CSRP3: variants seen among roughly 807,000 people sequenced by gnomAD.
CSRP3 encodes the protein cysteine and glycine-rich protein 3.
Under a neutral mutation model 24.3 loss-of-function variants are expected in CSRP3, and 24 were observed. The ratio of observed to expected loss-of-function variants is 0.99; its 90% CI spans 0.71 to 1.39. The LOEUF (loss-of-function observed/expected upper bound fraction) is 1.39. Among genes scored for constraint, CSRP3 ranks in the 40% most tolerant of loss-of-function variants. The pLI is 0.00. For missense variants in CSRP3, 240 were observed against 249.0 expected (o/e 0.96, Z 0.24); for synonymous variants, 105 against 94.0 (o/e 1.12, Z -0.68).
chr11:19,197,649 C>G (rs998341693), intron 1 of CSRP3, among the ~76,000 whole-genome samples: 1 of 149,504 alleles, frequency 6.7e-6, no homozygotes, highest in African/African-American at 2.5e-5. Context: ...AAATGAGCAC[C>G]CAGGAGGGAA....
At chr11:19,192,597 T>A in intron 1 of CSRP3, 121 bp from the exon 2 acceptor site, 1 of 702,150 alleles carries the variant, frequency 1.4e-6, no homozygotes, top group African/African-American at 1.8e-5. Flanking sequence ...TTTCATTTAT[T>A]CATTCATTTA....
rs773744247 is a variant in CSRP3 at position 19,188,109 on chromosome 11, G to A, written c.281+27C>T. 5.0e-6 allele frequency: 8 copies of A among 1,613,884 alleles called. No individual in the cohort carries two copies. The African/African-American group carries it at 9.3e-5, about 19-fold the overall frequency. ...TCCTGATAATTGGAGACTTTAACAG[G>A]CAAGGGGGAGCAGGGCAGTAACTCA... On this transcript the variant is annotated intron_variant, in intron 3 of 5. Coordinates refer to ENST00000265968, the MANE Select transcript of CSRP3 (RefSeq NM_003476.5).
At chr11:19,197,501 C>CTCTTTCGTTCTTTCTT (rs1491110501) in intron 1 of CSRP3, among the ~76,000 whole-genome samples, 23 of 67,070 alleles carry the variant, frequency 3.4e-4, no homozygotes, top group African/African-American at 9.9e-4. Context: ...CCCTCTTTTC[C>CTCTTTCGTTCTTTCTT]TCTTTCTTTC....
chr11:19,196,795 GAC>G (rs1366041654), intron 1 of CSRP3: 7 of 152,168 alleles, frequency 4.6e-5, no homozygotes, highest in African/African-American at 7.2e-5. Context: ...TGTTGTCAAA[GAC>G]AAATCGTGGG....
chr11:19,193,380 T>C (rs1205584842), intron 1 of CSRP3, among the ~76,000 whole-genome samples: 1 of 152,162 alleles, frequency 6.6e-6, no homozygotes, highest in Non-Finnish European at 1.5e-5. Flanking sequence ...CAGACCATGG[T>C]GCTGACATGT....
chr11:19,188,695 G>A (rs1590104752), intron 2 of CSRP3, among the ~76,000 whole-genome samples: 1 of 151,808 alleles, frequency 6.6e-6, no homozygotes, highest in East Asian at 1.9e-4. Context: ...AGGCAGGAGA[G>A]AAACTTACTT....
At chr11:19,192,584 G>C in intron 1 of CSRP3, 108 bp from the exon 2 acceptor site, 1 of 721,650 alleles carries the variant, frequency 1.4e-6, no homozygotes, top group Non-Finnish European at 2.5e-6. Flanking sequence ...TTTTTTTTTA[G>C]TGTTTCATTT....
chr11:19,182,540 T>C lies in CSRP3; in HGVS notation c.*130A>G. On this transcript the variant is annotated 3_prime_UTR_variant, in exon 6 of 6. Coordinates refer to ENST00000265968, the MANE Select transcript of CSRP3 (RefSeq NM_003476.5). Reference sequence around the variant, plus strand: ...CTTCTAACATTCAGTAAAGACCTGATCACTTCTGAGGAGAAACACATAATG... The same window carrying C: ...CTTCTAACATTCAGTAAAGACCTGACCACTTCTGAGGAGAAACACATAATG... The C allele has an allele frequency of 2.4e-6, 2 of 835,816 alleles. No individual in the cohort carries two copies. Among genetic ancestry groups the C allele is most frequent in the East Asian group, 4.9e-5 (2 of 41,236 alleles). The allele number at this position is 835,816 out of a possible 1,614,324, so 51.8% of individuals were successfully genotyped here. A position where few individuals can be genotyped will look rare whatever the true frequency, so the allele number is the denominator to read the frequency against.
At chr11:19,197,388 CCCTTCCTTCCTT>C (rs869090928) in intron 1 of CSRP3, among the ~76,000 whole-genome samples, 580 of 10,766 alleles carry the variant, frequency 0.054, 18 homozygotes, top group African/African-American at 0.15. Flanking sequence ...CTCCCTCCCT[CCCTTCCTTCCTT>C]CCTTCCTTCC....
chr11:19,191,310 G>A (rs528779019), intron 2 of CSRP3, among the ~76,000 whole-genome samples: 1 of 152,292 alleles, frequency 6.6e-6, no homozygotes, highest in South Asian at 2.1e-4. Context: ...CCCAACAGAT[G>A]GAGTCCAGCC....
At chr11:19,198,193 A>G (rs1327877611) in intron 1 of CSRP3, among the ~76,000 whole-genome samples, 1 of 152,234 alleles carries the variant, frequency 6.6e-6, no homozygotes, top group Non-Finnish European at 1.5e-5. Context: ...TGAAGAGCTT[A>G]AGTAGCTTTT....
intron 1 of CSRP3, among the ~76,000 whole-genome samples, chr11:19,194,501 C>G (rs1436484188): frequency 6.6e-6 from 1 of 152,108 alleles, no homozygotes; most frequent in Non-Finnish European, 1.5e-5. Flanking sequence ...CATAGTGAGG[C>G]CCCTGTCTCT....
chr11:19,201,595 C>A (rs1850844127), intron 1 of CSRP3, among the ~76,000 whole-genome samples: 2 of 152,210 alleles, frequency 1.3e-5, no homozygotes, highest in African/African-American at 4.8e-5. Context: ...GGTTGTAAGA[C>A]GAGAAGGTCA....
Position 19,182,533 on chromosome 11 carries a change from G to T in CSRP3, c.*137C>A. On this transcript the variant is annotated 3_prime_UTR_variant, in exon 6 of 6. Coordinates refer to ENST00000265968, the MANE Select transcript of CSRP3 (RefSeq NM_003476.5). ...AAGGCCTCTTCTAACATTCAGTAAAGACCTGATCACTTCTGAGGAGAAACA... is the reference window on the plus strand; with the variant it reads ...AAGGCCTCTTCTAACATTCAGTAAATACCTGATCACTTCTGAGGAGAAACA... The T allele has an allele frequency of 1.2e-6, 1 of 808,302 alleles. No individual in the cohort carries two copies. Among genetic ancestry groups the T allele is most frequent in the Non-Finnish European group, 2.2e-6 (1 of 451,090 alleles). The allele number at this position is 808,302 out of a possible 1,614,324, so 50.1% of individuals were successfully genotyped here. A position where few individuals can be genotyped will look rare whatever the true frequency, so the allele number is the denominator to read the frequency against.
At chr11:19,195,337 G>A (rs775573715) in intron 1 of CSRP3, among the ~76,000 whole-genome samples, 1 of 152,052 alleles carries the variant, frequency 6.6e-6, no homozygotes, top group Non-Finnish European at 1.5e-5. Context: ...TAACCAAGGT[G>A]TATTTAAAAG....
chr11:19,197,514 T>G (rs1182377201), intron 1 of CSRP3, among the ~76,000 whole-genome samples: 1 of 105,940 alleles, frequency 9.4e-6, no homozygotes, highest in South Asian at 4.1e-4. Flanking sequence ...TTTCTTTCTT[T>G]CTTTCTTTCT....
At position 19,197,686 on chromosome 11, in the gene CSRP3, CCTCAAGCCACAGTGCCA is replaced by C. The variant is rs1333526592; in HGVS notation, c.-29+4251_-29+4267del. Reference sequence around the variant, plus strand: ...TTTAGGCCATGACTTTGGGCAGAGACCTCAAGCCACAGTGCCACAATGCCACCGTTTTCAGCTCAGTG... The same window carrying C: ...TTTAGGCCATGACTTTGGGCAGAGACCAATGCCACCGTTTTCAGCTCAGTG... On this transcript the variant is annotated intron_variant, in intron 1 of 5. Coordinates refer to ENST00000265968, the MANE Select transcript of CSRP3 (RefSeq NM_003476.5). Among the ~76,000 whole-genome samples the C allele has an allele frequency of 9.9e-5, 15 of 151,382 alleles. No homozygotes were observed. The South Asian group carries it at 1.3e-3, about 13-fold the overall frequency.
intron 2 of CSRP3, among the ~76,000 whole-genome samples, chr11:19,190,562 T>A (rs1294949283): frequency 6.6e-6 from 1 of 152,270 alleles, no homozygotes; most frequent in Non-Finnish European, 1.5e-5. Context: ...AATTTACATA[T>A]GTTGCTGCAT....
chr11:19,185,754 GA>G, intron 4 of CSRP3, among the ~76,000 whole-genome samples: 1 of 152,212 alleles, frequency 6.6e-6, no homozygotes, highest in Non-Finnish European at 1.5e-5. Context: ...ACATATGCAT[GA>G]GTGTCTCGGA....
Sources: gnomAD v4.1 joint callset for allele counts (sites outside exome capture counted in the v4.1 genomes callset) on GRCh38, gnomAD v4.1.1 for gene constraint, MANE v1.5 for transcripts, NCBI Gene and HGNC (gene_info 2026-07-23, HGNC 2026-07-21) for gene names.